The following DLG2 variants were observed in gnomAD, a reference collection of about 807,000 sequenced individuals.
DLG2 encodes disks large homolog 2.
A neutral mutation model predicts 132.5 loss-of-function variants in DLG2; 45 were observed. The observed-to-expected ratio is 0.34, with a 90% CI of 0.27 to 0.44. The LOEUF is 0.44. Ranked by LOEUF, DLG2 falls within the 20% of genes least tolerant of loss-of-function variation. DLG2 has a pLI of 1.00. For missense variants in DLG2, 1,045 were observed against 1,196.9 expected, an observed-to-expected ratio of 0.87 and a Z score of 1.87; for synonymous variants, 424 against 419.6, an observed-to-expected ratio of 1.01 and a Z score of -0.13.
At chr11:85,416,544 T>C (rs1405664356) in intron 3 of DLG2, among the ~76,000 whole-genome samples, 1 of 152,216 alleles carries the variant, frequency 6.6e-6, no homozygotes, top group Non-Finnish European at 1.5e-5. Flanking sequence ...GTATGGCCAT[T>C]TTCACAATAT....
At chr11:85,592,587 T>C (rs982175235) in intron 3 of DLG2, among the ~76,000 whole-genome samples, 1 of 152,190 alleles carries the variant, frequency 6.6e-6, no homozygotes, top group African/African-American at 2.4e-5. Context: ...AAGTAGAAAC[T>C]ATCTTGTAAC....
chr11:84,830,958 A>ACT (rs1555246491), intron 6 of DLG2, among the ~76,000 whole-genome samples: 1 of 80,110 alleles, frequency 1.2e-5, no homozygotes, highest in Non-Finnish European at 2.3e-5. Context: ...TCCTCCCCCC[A>ACT]CCCCCCCCAG....
chr11:84,137,546 C>A lies in DLG2; in HGVS notation c.624+25915G>T, dbSNP rs542478207. Among the ~76,000 whole-genome samples, 31 of 152,134 alleles carry A rather than the reference C, an allele frequency of 2.0e-4. No homozygotes were observed. In the South Asian group the frequency reaches 6.2e-3, roughly 31 times the overall value. On this transcript the variant is annotated intron_variant, in intron 9 of 27. Transcript: ENST00000376104. ...ATAGCTCAAACAAATTTAGGAAGCA[C>A]CAATTTGTTCTCAAGGTTATTATCA...
At chr11:83,628,065 G>C (rs2062915683) in intron 19 of DLG2, among the ~76,000 whole-genome samples, 1 of 152,076 alleles carries the variant, frequency 6.6e-6, no homozygotes, top group Admixed American at 6.6e-5. Context: ...GGGGTTGTTT[G>C]TGTTTTTCTT....
chr11:83,537,895 C>G (rs187112654), intron 20 of DLG2, among the ~76,000 whole-genome samples: 5 of 145,188 alleles, frequency 3.4e-5, no homozygotes, highest in Admixed American at 3.4e-4. Flanking sequence ...TACATAATCT[C>G]AGAAAAGTGA....
Position 85,218,171 on chromosome 11 carries a change from T to G in DLG2, c.187-63520A>C, listed in dbSNP as rs149747193. On this transcript the variant is annotated intron_variant, in intron 4 of 27. Transcript: ENST00000376104. ...TGTTTTTGTACCAGTACCAAGGAAT[T>G]GCAACAAAAACAAAAATAGTTAAGT... Among the ~76,000 whole-genome samples, 618 of 152,226 alleles carry G rather than the reference T, an allele frequency of 4.1e-3. 8 individuals carry two copies. Among genetic ancestry groups the G allele is most frequent in the African/African-American group, 0.013 (536 of 41,542 alleles).
At chr11:85,117,918 C>T (rs763415446) in intron 5 of DLG2, among the ~76,000 whole-genome samples, 1 of 151,930 alleles carries the variant, frequency 6.6e-6, no homozygotes, top group Non-Finnish European at 1.5e-5. Flanking sequence ...GGGTAAGGAC[C>T]ACTGACATTA....
chr11:84,021,166 T>C (rs1184612260), intron 11 of DLG2, among the ~76,000 whole-genome samples: 1 of 152,174 alleles, frequency 6.6e-6, no homozygotes, highest in Non-Finnish European at 1.5e-5. Flanking sequence ...TTATATACTA[T>C]TACATTACTT....
intron 4 of DLG2, among the ~76,000 whole-genome samples, chr11:85,199,296 C>G (rs1020179199): frequency 2.0e-5 from 3 of 152,020 alleles, no homozygotes; most frequent in Non-Finnish European, 2.9e-5. Flanking sequence ...AGACTGACAC[C>G]AATGCACACA....
At chr11:85,570,608 G>A (rs886843130) in intron 3 of DLG2, among the ~76,000 whole-genome samples, 8 of 152,064 alleles carry the variant, frequency 5.3e-5, no homozygotes, top group African/African-American at 1.9e-4. Flanking sequence ...TGGAAGTGTA[G>A]GTTAATGGTT....
chr11:83,750,738 A>C (rs776439862), intron 18 of DLG2, among the ~76,000 whole-genome samples: 14 of 152,236 alleles, frequency 9.2e-5, no homozygotes, highest in Non-Finnish European at 1.9e-4. Context: ...TGATCAAAAC[A>C]TATAGAATAA....
At chr11:84,104,281 T>G (rs1382322563) in intron 9 of DLG2, among the ~76,000 whole-genome samples, 1 of 152,112 alleles carries the variant, frequency 6.6e-6, no homozygotes, top group Non-Finnish European at 1.5e-5. Flanking sequence ...TGCAGCAATA[T>G]GGATGCAGCT....
chr11:83,938,817 C>T (rs1453233229), intron 14 of DLG2, among the ~76,000 whole-genome samples: 1 of 152,072 alleles, frequency 6.6e-6, no homozygotes, highest in African/African-American at 2.4e-5. Flanking sequence ...GCATAGAAAC[C>T]CAGAAAAAGC....
chr11:85,143,338 GT>G, intron 5 of DLG2, among the ~76,000 whole-genome samples: 1 of 151,686 alleles, frequency 6.6e-6, no homozygotes, highest in East Asian at 1.9e-4. Context: ...GCATATAGTT[GT>G]TGATAGTATC....
chr11:84,703,883 T>TATACAC lies in DLG2; in HGVS notation c.358-169153_358-169152insGTGTAT, dbSNP rs1555174924. ...ATATATATATATATATATATATATATACACGTGTGTGTGTGTGTGTGTGTG... is the reference window on the plus strand; with the variant it reads ...ATATATATATATATATATATATATATATACACACACGTGTGTGTGTGTGTGTGTGTG... On this transcript the variant is annotated intron_variant, in intron 6 of 27. Transcript: ENST00000376104. Among the ~76,000 whole-genome samples, 5 of 119,924 alleles carry TATACAC rather than the reference T, an allele frequency of 4.2e-5. 1 individual carries two copies. Among genetic ancestry groups the TATACAC allele is most frequent in the African/African-American group, 1.3e-4 (3 of 23,660 alleles). The allele number at this position is 119,924 out of a possible 152,430, so 78.7% of individuals were successfully genotyped here.
At chr11:85,353,860 G>A (rs569291741) in intron 3 of DLG2, among the ~76,000 whole-genome samples, 2 of 151,862 alleles carry the variant, frequency 1.3e-5, no homozygotes, top group Non-Finnish European at 2.9e-5. Context: ...AAGGGGGAGG[G>A]ATAGCATTAT....
At chr11:84,875,019 C>CAAA (rs563276131) in intron 6 of DLG2, among the ~76,000 whole-genome samples, 32 of 59,876 alleles carry the variant, frequency 5.3e-4, no homozygotes, top group African/African-American at 1.3e-3. Flanking sequence ...TACTTCATCT[C>CAAA]AAAAAAAAAA....
At chr11:84,913,692 A>G (rs2092274939) in intron 6 of DLG2, among the ~76,000 whole-genome samples, 2 of 152,226 alleles carry the variant, frequency 1.3e-5, no homozygotes, top group South Asian at 2.1e-4. Context: ...ATTTCTATAT[A>G]TGAATAGCAA....
At chr11:85,010,280 G>T (rs994107401) in intron 6 of DLG2, among the ~76,000 whole-genome samples, 2 of 151,954 alleles carry the variant, frequency 1.3e-5, no homozygotes, top group African/African-American at 4.8e-5. Context: ...AAAGGAAACC[G>T]TAAAAACATT....
Sources: gnomAD v4.1 joint callset for allele counts (sites outside exome capture counted in the v4.1 genomes callset) on GRCh38, gnomAD v4.1.1 for gene constraint, MANE v1.5 for transcripts, NCBI Gene and HGNC (gene_info 2026-07-23, HGNC 2026-07-21) for gene names.